The following PCDH11X variants were observed in gnomAD, a reference collection of about 807,000 sequenced individuals.
PCDH11X encodes protocadherin 11 X-linked.
In PCDH11X, 18 loss-of-function variants were observed where a neutral mutation model predicts 53.3. The observed-to-expected ratio is 0.34, with a 90% CI of 0.23 to 0.50. The LOEUF is 0.50. Among genes scored for constraint, PCDH11X ranks in the 20% least tolerant of loss-of-function variants. The pLI is 0.98. For missense variants in PCDH11X, 570 were observed against 1,032.4 expected, an observed-to-expected ratio of 0.55 and a Z score of 6.14; for synonymous variants, 279 against 393.3, an observed-to-expected ratio of 0.71 and a Z score of 3.44.
intron 10 of PCDH11X, among the ~76,000 whole-genome samples, chrX:92,491,718 C>A (rs1276146860): frequency 2.7e-5 from 3 of 111,048 alleles, no homozygotes; most frequent in Non-Finnish European, 5.7e-5. Flanking sequence ...ACTCTGTGAC[C>A]AATTTCTCCC....
At chrX:92,283,562 G>A (rs2068294926) in intron 8 of PCDH11X, among the ~76,000 whole-genome samples, 1 of 111,499 alleles carries the variant, frequency 9.0e-6, no homozygotes. Flanking sequence ...ACAATGTTTA[G>A]GTTTCTAATG....
intron 6 of PCDH11X, among the ~76,000 whole-genome samples, chrX:91,933,250 A>G (rs1167507776): frequency 9.2e-6 from 1 of 108,669 alleles, no homozygotes; most frequent in Non-Finnish European, 1.9e-5. Context: ...TTAACAGGCC[A>G]AGCTGTATTC....
At chrX:92,306,817 G>A (rs965474308) in intron 8 of PCDH11X, among the ~76,000 whole-genome samples, 8 of 110,709 alleles carry the variant, frequency 7.2e-5, no homozygotes, top group Non-Finnish European at 1.5e-4. Context: ...GAGCGTGGTC[G>A]TGCGTGCCTG....
At chrX:92,399,908 A>ATTTTT (rs397961081) in intron 9 of PCDH11X, among the ~76,000 whole-genome samples, 22 of 91,438 alleles carry the variant, frequency 2.4e-4, no homozygotes, top group African/African-American at 8.9e-4. Context: ...CGCCCGGCTA[A>ATTTTT]TTTTTTTTTT....
intron 10 of PCDH11X, among the ~76,000 whole-genome samples, chrX:92,528,139 T>G (rs753265575): frequency 1.8e-5 from 2 of 112,041 alleles, no homozygotes; most frequent in East Asian, 5.6e-4. Context: ...TTTGTGTCAT[T>G]TTTCTAGAAC....
chrX:92,479,781 ATT>A (rs759883767), intron 10 of PCDH11X, among the ~76,000 whole-genome samples: 1 of 100,770 alleles, frequency 9.9e-6, no homozygotes, highest in African/African-American at 3.6e-5. Flanking sequence ...GTTGCCTTTA[ATT>A]TTTTTTTTTT....
chrX:92,502,248 G>A (rs1173096977), intron 10 of PCDH11X, among the ~76,000 whole-genome samples: 1 of 109,755 alleles, frequency 9.1e-6, no homozygotes, highest in Non-Finnish European at 1.9e-5. Context: ...AAACATTCCA[G>A]GCTCATGGAT....
intron 10 of PCDH11X, among the ~76,000 whole-genome samples, chrX:92,522,336 T>C (rs1474591092): frequency 8.9e-6 from 1 of 111,851 alleles, no homozygotes; most frequent in African/African-American, 3.2e-5. Context: ...GATGGGAAAA[T>C]GGCTGGTCAG....
At chrX:92,062,533 A>G (rs2063537613) in intron 6 of PCDH11X, among the ~76,000 whole-genome samples, 1 of 111,800 alleles carries the variant, frequency 8.9e-6, no homozygotes. Flanking sequence ...TTTAACATGA[A>G]AGGATATGAA....
chrX:91,838,644 T>C (rs1366966172), intron 5 of PCDH11X, among the ~76,000 whole-genome samples: 9 of 109,726 alleles, frequency 8.2e-5, no homozygotes, highest in Non-Finnish European at 1.7e-4. Context: ...TAGTAAATTT[T>C]ACAATGTGAA....
chrX:92,001,532 G>T (rs1172548043), intron 6 of PCDH11X, among the ~76,000 whole-genome samples: 1 of 102,518 alleles, frequency 9.8e-6, no homozygotes, highest in Admixed American at 1.1e-4. Flanking sequence ...GCAATGGCGT[G>T]CTCTCGGCTC....
intron 5 of PCDH11X, among the ~76,000 whole-genome samples, chrX:91,869,567 T>C (rs1306553779): frequency 3.6e-5 from 4 of 111,256 alleles, no homozygotes; most frequent in African/African-American, 1.3e-4. Flanking sequence ...TTGTTATGAA[T>C]GCAGCTCATC....
chrX:92,012,460 G>A (rs1013645648), intron 6 of PCDH11X, among the ~76,000 whole-genome samples: 1 of 111,568 alleles, frequency 9.0e-6, no homozygotes, highest in Admixed American at 9.6e-5. Flanking sequence ...TAAAAATGTA[G>A]AGAACTGAAT....
In PCDH11X at chrX:91,930,650, C is replaced by G. The variant is rs188079615; in HGVS notation, c.3033+51377C>G. 6.7e-3 allele frequency among the ~76,000 whole-genome samples: 716 copies of G among 106,279 alleles called. 5 individuals carry two copies. The highest frequency in any genetic ancestry group is 0.024 in the African/African-American group (692 of 29,444). The allele number at this position is 106,279 out of a possible 115,157, so 92.3% of individuals were successfully genotyped here. The stretch of plus-strand genomic sequence containing the variant: ...AAAAGTGAGAAGTAGGGGATTAGCC[C>G]TTAGCTAGCAAATACAACAGAGCTG... On this transcript the variant is annotated intron_variant, in intron 6 of 10. Transcript: ENST00000682573.
At chrX:92,495,537 G>T (rs1429885978) in intron 10 of PCDH11X, among the ~76,000 whole-genome samples, 8 of 109,953 alleles carry the variant, frequency 7.3e-5, no homozygotes, top group African/African-American at 2.7e-4. Context: ...AGTTTATTGA[G>T]AAATAACTGA....
intron 6 of PCDH11X, among the ~76,000 whole-genome samples, chrX:92,116,383 CTCTT>C (rs1336469910): frequency 8.9e-5 from 10 of 111,812 alleles, no homozygotes; most frequent in African/African-American, 2.6e-4. Flanking sequence ...AGAGTAACAG[CTCTT>C]TCTACCATCT....
intron 8 of PCDH11X, among the ~76,000 whole-genome samples, chrX:92,305,160 T>C (rs1417714235): frequency 9.0e-6 from 1 of 111,240 alleles, no homozygotes; most frequent in African/African-American, 3.3e-5. Context: ...AACAAAATTC[T>C]AAAATTATTG....
chrX:91,983,181 C>A (rs2062170309), intron 6 of PCDH11X: 1 of 885,110 alleles, frequency 1.1e-6, no homozygotes, highest in Non-Finnish European at 1.7e-6. Flanking sequence ...ATCTTTTTTC[C>A]CCCAGTCTTA....
chrX:91,995,852 GTT>G (rs1279977266), intron 6 of PCDH11X, among the ~76,000 whole-genome samples: 1 of 95,323 alleles, frequency 1.0e-5, no homozygotes. Context: ...TCTTCTTTTT[GTT>G]TTTTTTTTTT....
Sources: allele counts gnomAD v4.1 joint callset (sites outside exome capture counted in the v4.1 genomes callset), GRCh38; gene constraint gnomAD v4.1.1; transcripts MANE v1.5; gene names NCBI Gene and HGNC (gene_info 2026-07-23, HGNC 2026-07-21).